DPYSL3: variants seen among roughly 807,000 people sequenced by gnomAD.
The protein encoded by DPYSL3 is dihydropyrimidinase like 3.
A neutral mutation model predicts 66.1 loss-of-function variants in DPYSL3; 16 were observed. That is an observed-to-expected ratio of 0.24 (90% CI 0.16 to 0.37). DPYSL3 has a LOEUF of 0.37. Among genes scored for constraint, DPYSL3 ranks in the 10% least tolerant of loss-of-function variants. The probability of loss-of-function intolerance (pLI) is 1.00; values close to 1 mark genes in which losing one functional copy is unlikely to be tolerated. For synonymous variants in DPYSL3, 338 were observed against 345.1 expected (o/e 0.98, Z 0.23); for missense variants, 738 against 916.2 (o/e 0.81, Z 2.51).
chr5:147,448,126 T>G (rs534033928), intron 1 of DPYSL3, among the ~76,000 whole-genome samples: 87 of 152,252 alleles, frequency 5.7e-4, no homozygotes, highest in South Asian at 5.2e-3. Context: ...AATTTAGTTT[T>G]ATTTTTTTCC....
chr5:147,436,190 C>T (rs899700011), intron 1 of DPYSL3, among the ~76,000 whole-genome samples: 1 of 152,144 alleles, frequency 6.6e-6, no homozygotes, highest in African/African-American at 2.4e-5. Flanking sequence ...GCAGGGTAGA[C>T]AAAGGTGGAG....
rs1757807345 is a variant in DPYSL3 at position 147,391,632 on chromosome 5, C to A, written c.*2403G>T. 1 of 152,134 alleles carries A rather than the reference C, an allele frequency of 6.6e-6. No homozygotes were observed. The highest frequency in any genetic ancestry group is 1.5e-5 in the Non-Finnish European group (1 of 68,028). The allele number at this position is 152,134 out of a possible 1,614,324, so 9.4% of individuals were successfully genotyped here. On this transcript the variant is annotated 3_prime_UTR_variant, in exon 14 of 14. Coordinates refer to ENST00000343218, the MANE Select transcript of DPYSL3 (RefSeq NM_001197294.2). ...TCACCATTGTTTTCTTTTCCTAAACCTTTTGTATAGGCCTGTTTGATGTGT... is the reference window on the plus strand; with the variant it reads ...TCACCATTGTTTTCTTTTCCTAAACATTTTGTATAGGCCTGTTTGATGTGT...
intron 1 of DPYSL3, among the ~76,000 whole-genome samples, chr5:147,487,032 T>A (rs1321158936): frequency 6.6e-6 from 1 of 152,190 alleles, no homozygotes; most frequent in African/African-American, 2.4e-5. Flanking sequence ...TGCTATTAAC[T>A]CCGAGAGGCC....
intron 10 of DPYSL3, 126 bp from the exon 11 acceptor site, chr5:147,399,378 G>T: frequency 8.8e-7 from 1 of 1,142,132 alleles, no homozygotes; most frequent in Non-Finnish European, 1.2e-6. Flanking sequence ...CTGAAAAGCT[G>T]GTGAGCTACA....
chr5:147,508,333 C>T, intron 1 of DPYSL3, among the ~76,000 whole-genome samples: 1 of 152,276 alleles, frequency 6.6e-6, no homozygotes, highest in East Asian at 1.9e-4. Context: ...TAGCTCATTG[C>T]ATTTTAATGG....
chr5:147,403,879 G>A (rs965420401), intron 8 of DPYSL3, among the ~76,000 whole-genome samples: 2 of 152,186 alleles, frequency 1.3e-5, no homozygotes, highest in South Asian at 2.1e-4. Context: ...AGTTCTGCTC[G>A]CCAGAGAATT....
At chr5:147,485,681 C>A (rs1056471027) in intron 1 of DPYSL3, among the ~76,000 whole-genome samples, 1 of 152,044 alleles carries the variant, frequency 6.6e-6, no homozygotes, top group Non-Finnish European at 1.5e-5. Flanking sequence ...AGTGGTAGGC[C>A]CTGCCCTTAC....
At chr5:147,494,118 A>G (rs1288200215) in intron 1 of DPYSL3, among the ~76,000 whole-genome samples, 19 of 152,150 alleles carry the variant, frequency 1.2e-4, no homozygotes. Context: ...GCTTGAACCC[A>G]GGAGGCGGAG....
At chr5:147,487,544 A>G (rs1361765426) in intron 1 of DPYSL3, among the ~76,000 whole-genome samples, 1 of 152,168 alleles carries the variant, frequency 6.6e-6, no homozygotes, top group African/African-American at 2.4e-5. Context: ...GGAGTTGGCA[A>G]ACTATTGTCC....
intron 1 of DPYSL3, among the ~76,000 whole-genome samples, chr5:147,430,264 G>A (rs1177101804): frequency 6.6e-6 from 1 of 152,132 alleles, no homozygotes; most frequent in East Asian, 1.9e-4. Context: ...GGGAGGCCGA[G>A]GCGGGTGGGT....
At chr5:147,455,054 A>C (rs1752821686) in intron 1 of DPYSL3, among the ~76,000 whole-genome samples, 1 of 152,376 alleles carries the variant, frequency 6.6e-6, no homozygotes, top group Admixed American at 6.5e-5. Flanking sequence ...CCTGTATGTC[A>C]CTAAGCATGA....
chr5:147,399,386 A>G (rs1758103080), intron 10 of DPYSL3, 134 bp from the exon 11 acceptor site: 1 of 997,816 alleles, frequency 1.0e-6, no homozygotes, highest in South Asian at 1.9e-5. Context: ...CTGGTGAGCT[A>G]CAGAACCTCA....
At chr5:147,439,415 G>T (rs1752488937) in intron 1 of DPYSL3, among the ~76,000 whole-genome samples, 1 of 151,998 alleles carries the variant, frequency 6.6e-6, no homozygotes, top group Non-Finnish European at 1.5e-5. Context: ...CTTTGAGCTG[G>T]ACATGAAAGT....
intron 9 of DPYSL3, 144 bp from the exon 10 acceptor site, chr5:147,400,977 G>A: frequency 9.0e-7 from 1 of 1,114,704 alleles, no homozygotes; most frequent in Non-Finnish European, 1.2e-6. Flanking sequence ...AGATATATGA[G>A]CTTGGATGAG....
intron 1 of DPYSL3, among the ~76,000 whole-genome samples, chr5:147,432,924 C>T (rs187603231): frequency 1.3e-5 from 2 of 152,242 alleles, no homozygotes; most frequent in East Asian, 3.9e-4. Flanking sequence ...TTCGAGAGGG[C>T]TCTAAAGGAT....
intron 1 of DPYSL3, among the ~76,000 whole-genome samples, chr5:147,438,965 GGGTAT>G (rs1463360356): frequency 6.6e-6 from 1 of 152,132 alleles, no homozygotes; most frequent in Non-Finnish European, 1.5e-5. Flanking sequence ...TGATACAGTG[GGGTAT>G]GACACAGAGT....
intron 1 of DPYSL3, among the ~76,000 whole-genome samples, chr5:147,507,695 T>C (rs1431520946): frequency 3.9e-5 from 6 of 152,166 alleles, no homozygotes; most frequent in Non-Finnish European, 7.4e-5. Flanking sequence ...AACTTACAAA[T>C]GACTATGTAG....
chr5:147,428,727 A>C (rs896025843), intron 1 of DPYSL3, among the ~76,000 whole-genome samples: 1 of 134,430 alleles, frequency 7.4e-6, no homozygotes, highest in African/African-American at 3.7e-5. Flanking sequence ...ACAGGAATAG[A>C]AAATCAAACA....
chr5:147,430,804 GA>G (rs1752300998), intron 1 of DPYSL3, among the ~76,000 whole-genome samples: 1 of 152,148 alleles, frequency 6.6e-6, no homozygotes, highest in Non-Finnish European at 1.5e-5. Context: ...ATGCCTCTCA[GA>G]GAAACCAAAG....
Sources: allele counts gnomAD v4.1 joint callset (sites outside exome capture counted in the v4.1 genomes callset), GRCh38; gene constraint gnomAD v4.1.1; transcripts MANE v1.5; gene names NCBI Gene and HGNC (gene_info 2026-07-23, HGNC 2026-07-21).